Variants in CYRIA observed in about 807,000 individuals in gnomAD.
The protein encoded by CYRIA is CYFIP related Rac1 interactor A, also known as CYFIP-related Rac1 interactor A.
A neutral mutation model predicts 43.9 loss-of-function variants in CYRIA; 15 were observed. The ratio of observed to expected loss-of-function variants is 0.34; its 90% CI spans 0.23 to 0.53. CYRIA has a LOEUF of 0.53. CYRIA is among the 20% of genes least tolerant of loss of function. The pLI is 0.94. For synonymous variants in CYRIA, 117 were observed against 136.0 expected (o/e 0.86, Z 0.97); for missense variants, 236 against 394.2 (o/e 0.60, Z 3.40).
At chr2:16,651,099 C>T (rs547214709) in intron 1 of CYRIA, among the ~76,000 whole-genome samples, 19 of 152,206 alleles carry the variant, frequency 1.2e-4, no homozygotes, top group Admixed American at 7.2e-4. Context: ...ACCAGAAAGC[C>T]CAATTTTCAA....
rs142331440 is a variant in CYRIA, at chr2:16,661,698, A to C, written c.-167+4082T>G. ...TCCACCCCTGTTAAAATCTGCCTGC[A>C]TTCTCCAAACACAATTATTTTAGGT... On this transcript the variant is annotated intron_variant, in intron 1 of 11. Coordinates refer to ENST00000381323, the MANE Select transcript of CYRIA (RefSeq NM_030797.4). Among the ~76,000 whole-genome samples, 778 of 152,314 alleles carry C rather than the reference A, an allele frequency of 5.1e-3. 8 individuals carry two copies. Among genetic ancestry groups the C allele is most frequent in the African/African-American group, 0.017 (721 of 41,566 alleles).
At chr2:16,643,298 TGAGC>T (rs1461846272) in intron 1 of CYRIA, among the ~76,000 whole-genome samples, 4 of 152,150 alleles carry the variant, frequency 2.6e-5, no homozygotes, top group Non-Finnish European at 4.4e-5. Context: ...TGAATGGCAT[TGAGC>T]CACAGAGAAA....
At chr2:16,569,671 T>C (rs1453437336) in intron 3 of CYRIA, among the ~76,000 whole-genome samples, 1 of 152,222 alleles carries the variant, frequency 6.6e-6, no homozygotes, top group African/African-American at 2.4e-5. Context: ...CTGTCTCTCT[T>C]TTCAAATGGG....
At chr2:16,560,216 T>A (rs1666677455) in intron 9 of CYRIA, among the ~76,000 whole-genome samples, 1 of 152,174 alleles carries the variant, frequency 6.6e-6, no homozygotes, top group South Asian at 2.1e-4. Context: ...GAATTGGCTC[T>A]GCAATGAAGA....
At chr2:16,624,740 G>T (rs371514773) in intron 1 of CYRIA, among the ~76,000 whole-genome samples, 1 of 152,124 alleles carries the variant, frequency 6.6e-6, no homozygotes, top group East Asian at 1.9e-4. Flanking sequence ...ACTCCTTTGT[G>T]CAGAAAACCA....
intron 1 of CYRIA, among the ~76,000 whole-genome samples, chr2:16,638,965 T>C (rs1669592361): frequency 6.6e-6 from 1 of 152,198 alleles, no homozygotes; most frequent in South Asian, 2.1e-4. Flanking sequence ...TAAATAATTA[T>C]TAAAGATTAA....
At chr2:16,554,154 T>C (rs749900594) in intron 11 of CYRIA, among the ~76,000 whole-genome samples, 19 of 152,264 alleles carry the variant, frequency 1.2e-4, no homozygotes, top group East Asian at 5.8e-4. Flanking sequence ...AAGTGGAGTA[T>C]AAAACATGAG....
intron 1 of CYRIA, among the ~76,000 whole-genome samples, chr2:16,646,702 G>A (rs1216794476): frequency 3.9e-5 from 6 of 152,156 alleles, no homozygotes; most frequent in Admixed American, 2.6e-4. Context: ...TTGCTGTGAC[G>A]GTATCTGTGG....
chr2:16,648,877 T>G (rs140284502), intron 1 of CYRIA, among the ~76,000 whole-genome samples: 1 of 152,336 alleles, frequency 6.6e-6, no homozygotes, highest in Non-Finnish European at 1.5e-5. Flanking sequence ...ATACCAGACA[T>G]AAGCTCCATT....
rs79388651 is a variant in CYRIA at position 16,569,539 on chromosome 2, G to A, written c.71-3772C>T. On this transcript the variant is annotated intron_variant, in intron 3 of 11. Transcript: ENST00000381323. ...TCACCTCTTCCAGCTATAATTAGAC[G>A]GGCAGCACAGTTCCTGCCTTCTGGG... Among the ~76,000 whole-genome samples, 819 of 152,190 alleles carry A rather than the reference G, an allele frequency of 5.4e-3. 15 individuals carry two copies. Among genetic ancestry groups the A allele is most frequent in the African/African-American group, 0.019 (769 of 41,528 alleles).
At chr2:16,630,870 C>T (rs528154113) in intron 1 of CYRIA, among the ~76,000 whole-genome samples, 1 of 152,334 alleles carries the variant, frequency 6.6e-6, no homozygotes, top group African/African-American at 2.4e-5. Flanking sequence ...AAGGGGCACA[C>T]CTTAAGCAGG....
intron 3 of CYRIA, among the ~76,000 whole-genome samples, chr2:16,580,941 T>C (rs897286667): frequency 2.6e-5 from 4 of 152,142 alleles, no homozygotes; most frequent in African/African-American, 9.7e-5. Context: ...TCACAACATA[T>C]GCAAAAATTA....
At chr2:16,558,175 T>C (rs574005902) in intron 10 of CYRIA, among the ~76,000 whole-genome samples, 2 of 147,394 alleles carry the variant, frequency 1.4e-5, no homozygotes, top group South Asian at 4.1e-4. Context: ...CAGGATATAT[T>C]TAATTTACTA....
At chr2:16,636,067 C>G (rs35180074) in intron 1 of CYRIA, among the ~76,000 whole-genome samples, 22,660 of 151,978 alleles carry the variant, frequency 0.15, 2,778 homozygotes, top group East Asian at 0.61. Flanking sequence ...TGGCAGGCAG[C>G]ATATCTACTG....
chr2:16,619,303 C>G (rs1330741515), intron 2 of CYRIA, among the ~76,000 whole-genome samples: 2 of 151,884 alleles, frequency 1.3e-5, no homozygotes, highest in Non-Finnish European at 2.9e-5. Context: ...ACATATATAC[C>G]CATATATACA....
At chr2:16,649,475 A>G (rs911005539) in intron 1 of CYRIA, among the ~76,000 whole-genome samples, 5 of 152,046 alleles carry the variant, frequency 3.3e-5, no homozygotes, top group Non-Finnish European at 5.9e-5. Context: ...GTTATACAGT[A>G]TGGGGGACAG....
At chr2:16,568,963 G>GA (rs1452671411) in intron 3 of CYRIA, among the ~76,000 whole-genome samples, 2 of 152,018 alleles carry the variant, frequency 1.3e-5, no homozygotes, top group South Asian at 2.1e-4. Flanking sequence ...TACTTAAACA[G>GA]AAAAAAAGAA....
chr2:16,618,088 C>G (rs975108471), intron 2 of CYRIA, among the ~76,000 whole-genome samples: 2 of 152,202 alleles, frequency 1.3e-5, no homozygotes, highest in Admixed American at 1.3e-4. Flanking sequence ...GGAACTCTTT[C>G]CAGCTGGGCT....
intron 1 of CYRIA, among the ~76,000 whole-genome samples, chr2:16,663,908 A>G (rs1572212939): frequency 6.6e-6 from 1 of 152,118 alleles, no homozygotes; most frequent in Non-Finnish European, 1.5e-5. Context: ...CCCAACAGAG[A>G]TGCGTGTATG....
Sources: gnomAD v4.1 joint callset for allele counts (sites outside exome capture counted in the v4.1 genomes callset) on GRCh38, gnomAD v4.1.1 for gene constraint, MANE v1.5 for transcripts, NCBI Gene and HGNC (gene_info 2026-07-23, HGNC 2026-07-21) for gene names.